Variants in NTM observed in about 807,000 individuals in gnomAD.
NTM encodes the protein IgLON family member 2.
A neutral mutation model predicts 42.1 loss-of-function variants in NTM; 13 were observed. The ratio of observed to expected loss-of-function variants is 0.31; its 90% CI spans 0.20 to 0.49. NTM has a LOEUF of 0.49. Ranked by LOEUF, NTM falls within the 20% of genes least tolerant of loss-of-function variation. The pLI is 0.99. For synonymous variants in NTM, 187 were observed against 179.2 expected, an observed-to-expected ratio of 1.04 and a Z score of -0.35; for missense variants, 373 against 452.8, an observed-to-expected ratio of 0.82 and a Z score of 1.60.
chr11:132,264,248 C>T (rs907866534), intron 4 of NTM, among the ~76,000 whole-genome samples: 1 of 152,110 alleles, frequency 6.6e-6, no homozygotes, highest in Admixed American at 6.5e-5. Context: ...ACTAGGGAAG[C>T]TATTGTGCAT....
rs11222659 is a variant in NTM at position 131,472,263 on chromosome 11, C to T, written c.82+101375C>T. Among the ~76,000 whole-genome samples, 2,235 of 152,164 alleles carry T rather than the reference C, an allele frequency of 0.015. 114 individuals are homozygous for T. In the East Asian group the frequency reaches 0.19, roughly 13 times the overall value. On this transcript the variant is annotated intron_variant, in intron 1 of 8. Coordinates refer to ENST00000683400, the MANE Select transcript of NTM (RefSeq NM_001352005.2). The stretch of plus-strand genomic sequence containing the variant: ...GTATCCCCCCTGCATGGTGTCAGCC[C>T]CCACTCTCTGGAAGGGCTCTCCGGT...
intron 3 of NTM, among the ~76,000 whole-genome samples, chr11:132,202,254 T>C (rs149096667): frequency 6.6e-6 from 1 of 152,294 alleles, no homozygotes; most frequent in East Asian, 1.9e-4. Flanking sequence ...TGGGGAATCA[T>C]GCCTTAGGAG....
At chr11:131,914,143 C>T (rs1027391506) in intron 2 of NTM, among the ~76,000 whole-genome samples, 10 of 152,158 alleles carry the variant, frequency 6.6e-5, no homozygotes, top group African/African-American at 1.9e-4. Context: ...AATTTCAGAA[C>T]GTATTTTGTT....
rs78570156 is a variant in NTM, at chr11:131,874,953, C to T, written c.83-36611C>T. Among the ~76,000 whole-genome samples, 1,444 of 152,152 alleles carry T rather than the reference C, an allele frequency of 9.5e-3. 26 individuals are homozygous for T. Among genetic ancestry groups the T allele is most frequent in the African/African-American group, 0.033 (1,362 of 41,498 alleles). ...TATGTAAAGAACAAACTCAGGAAGG[C>T]GAGGGCTGAGGTCCCCTTCTTGGTG... On this transcript the variant is annotated intron_variant, in intron 1 of 8. Transcript: ENST00000683400.
chr11:131,602,359 G>C (rs1403901058), intron 1 of NTM, among the ~76,000 whole-genome samples: 1 of 152,094 alleles, frequency 6.6e-6, no homozygotes, highest in African/African-American at 2.4e-5. Context: ...GCCTGGTCTG[G>C]GTGGTTAATA....
intron 2 of NTM, among the ~76,000 whole-genome samples, chr11:131,916,286 C>G (rs1238742670): frequency 1.3e-5 from 2 of 152,212 alleles, no homozygotes; most frequent in African/African-American, 2.4e-5. Flanking sequence ...AGCATCAACA[C>G]ACCTGTCACT....
At chr11:131,395,940 C>T (rs750842814) in intron 1 of NTM, among the ~76,000 whole-genome samples, 1 of 152,186 alleles carries the variant, frequency 6.6e-6, no homozygotes, top group Non-Finnish European at 1.5e-5. Flanking sequence ...TCCCAAGGCT[C>T]AAGCAACAAC....
At chr11:131,515,485 C>T (rs532505010) in intron 1 of NTM, among the ~76,000 whole-genome samples, 26 of 152,282 alleles carry the variant, frequency 1.7e-4, no homozygotes, top group African/African-American at 6.0e-4. Context: ...TGAGCCGTTA[C>T]ATGTTGGGGA....
In NTM at chr11:131,940,560, A is replaced by G. The variant is rs148594704; in HGVS notation, c.167+28912A>G. 3.5e-3 allele frequency among the ~76,000 whole-genome samples: 531 copies of G among 152,392 alleles called. 3 individuals are homozygous for G. Among genetic ancestry groups the G allele is most frequent in the African/African-American group, 0.012 (512 of 41,594 alleles). On this transcript the variant is annotated intron_variant, in intron 2 of 8. Transcript: ENST00000683400. ...GACAATACCTTATAGACATATAGAC[A>G]TAGTCCAGTTAACCTGAGCTAGAGA...
chr11:131,467,121 T>C (rs1951972636), intron 1 of NTM, among the ~76,000 whole-genome samples: 1 of 152,170 alleles, frequency 6.6e-6, no homozygotes, highest in East Asian at 1.9e-4. Context: ...ATATATTTAC[T>C]GTTGGTAAAG....
chr11:132,090,712 G>T (rs956171252), intron 2 of NTM, among the ~76,000 whole-genome samples: 3 of 151,808 alleles, frequency 2.0e-5, no homozygotes, highest in Admixed American at 6.6e-5. Context: ...TCCCCATCCA[G>T]CCTAGATGTG....
At chr11:131,627,949 A>T (rs1008910410) in intron 1 of NTM, among the ~76,000 whole-genome samples, 1 of 152,202 alleles carries the variant, frequency 6.6e-6, no homozygotes, top group African/African-American at 2.4e-5. Flanking sequence ...GGACAAAGGA[A>T]ATAGAACTTC....
intron 7 of NTM, among the ~76,000 whole-genome samples, chr11:132,327,288 G>A (rs2095703602): frequency 6.6e-6 from 1 of 152,166 alleles, no homozygotes; most frequent in Non-Finnish European, 1.5e-5. Flanking sequence ...AGTCAGATTT[G>A]ATGGTATCAG....
At chr11:131,936,236 A>G (rs1299420895) in intron 2 of NTM, among the ~76,000 whole-genome samples, 2 of 152,250 alleles carry the variant, frequency 1.3e-5, no homozygotes, top group East Asian at 1.9e-4. Context: ...TTGAACATAC[A>G]GGATTAAACT....
chr11:131,614,039 T>C (rs1430996844), intron 1 of NTM, among the ~76,000 whole-genome samples: 1 of 152,232 alleles, frequency 6.6e-6, no homozygotes, highest in Non-Finnish European at 1.5e-5. Flanking sequence ...GAAGGACTTA[T>C]GAGTAGCCTC....
chr11:131,857,033 G>A (rs891334622), intron 1 of NTM, among the ~76,000 whole-genome samples: 2 of 152,092 alleles, frequency 1.3e-5, no homozygotes, highest in Non-Finnish European at 2.9e-5. Context: ...TATCTAAGAA[G>A]TTTGTTAGCC....
At chr11:131,444,094 A>G (rs1452690127) in intron 1 of NTM, among the ~76,000 whole-genome samples, 1 of 151,358 alleles carries the variant, frequency 6.6e-6, no homozygotes, top group Non-Finnish European at 1.5e-5. Flanking sequence ...GAAAACTTAC[A>G]TAGTTAGTTA....
chr11:131,956,568 G>A (rs1370468718), intron 2 of NTM, among the ~76,000 whole-genome samples: 2 of 151,660 alleles, frequency 1.3e-5, no homozygotes, highest in Non-Finnish European at 2.9e-5. Flanking sequence ...CTAGGGTACT[G>A]CCGAGACTGG....
At chr11:132,303,728 A>C (rs1254371523) in intron 4 of NTM, among the ~76,000 whole-genome samples, 2 of 149,100 alleles carry the variant, frequency 1.3e-5, no homozygotes, top group African/African-American at 4.9e-5. Flanking sequence ...AAAAAAAAAA[A>C]AAACAATCTG....
Sources: allele counts gnomAD v4.1 joint callset (sites outside exome capture counted in the v4.1 genomes callset), GRCh38; gene constraint gnomAD v4.1.1; transcripts MANE v1.5; gene names NCBI Gene and HGNC (gene_info 2026-07-23, HGNC 2026-07-21).